The following SH3GL2 variants were observed in gnomAD, a reference collection of about 807,000 sequenced individuals.
SH3GL2 encodes endophilin-A1.
SH3GL2 carries 24 observed loss-of-function variants against 46.0 expected under a neutral mutation model. That is an observed-to-expected ratio of 0.52 (90% CI 0.38 to 0.73). The LOEUF is 0.73. SH3GL2 is among the 30% of genes least tolerant of loss of function. The pLI is 0.00. For missense variants in SH3GL2, 413 were observed against 424.2 expected (o/e 0.97, Z 0.23); for synonymous variants, 196 against 147.1 (o/e 1.33, Z -2.40).
intron 1 of SH3GL2, among the ~76,000 whole-genome samples, chr9:17,688,454 C>CA (rs1376361310): frequency 1.3e-5 from 2 of 151,920 alleles, no homozygotes; most frequent in African/African-American, 4.8e-5. Flanking sequence ...CAGGAGAAGA[C>CA]AAACGAAAAT....
At chr9:17,738,897 C>G (rs1259965102) in intron 1 of SH3GL2, among the ~76,000 whole-genome samples, 1 of 152,048 alleles carries the variant, frequency 6.6e-6, no homozygotes, top group Admixed American at 6.6e-5. Flanking sequence ...TACTTGAAGT[C>G]AACAGATTGT....
intron 1 of SH3GL2, among the ~76,000 whole-genome samples, chr9:17,639,826 T>G (rs550556791): frequency 6.6e-6 from 1 of 152,228 alleles, no homozygotes; most frequent in African/African-American, 2.4e-5. Flanking sequence ...AAAAGACATG[T>G]TGAATCTTAA....
chr9:17,637,170 A>G (rs1819560733), intron 1 of SH3GL2, among the ~76,000 whole-genome samples: 1 of 152,234 alleles, frequency 6.6e-6, no homozygotes, highest in African/African-American at 2.4e-5. Flanking sequence ...GAGCACAAAC[A>G]TTTAATGGTG....
At chr9:17,730,237 T>G (rs549466010) in intron 1 of SH3GL2, among the ~76,000 whole-genome samples, 24 of 152,122 alleles carry the variant, frequency 1.6e-4, no homozygotes, top group African/African-American at 5.5e-4. Context: ...TGAATGGGAG[T>G]TTACTCATGA....
Position 17,787,604 on chromosome 9 carries a change from C to T in SH3GL2, c.465+91C>T, listed in dbSNP as rs1823998229. On this transcript the variant is annotated intron_variant, in intron 5 of 8. Coordinates refer to ENST00000380607, the MANE Select transcript of SH3GL2 (RefSeq NM_003026.5). ...TTTAGAAAACATTTTTTTAGCTTACCCTGTGTGTTGTCAGCTCTGGGCACG... is the reference window on the plus strand; with the variant it reads ...TTTAGAAAACATTTTTTTAGCTTACTCTGTGTGTTGTCAGCTCTGGGCACG... The T allele has an allele frequency of 5.7e-6, 6 of 1,055,218 alleles. No homozygotes were observed. In the East Asian group the frequency reaches 1.2e-4, roughly 21 times the overall value. 65.4% of individuals were successfully genotyped at this position (1,055,218 alleles called of 1,614,324 possible). A position where few individuals can be genotyped will look rare whatever the true frequency, so the allele number is the denominator to read the frequency against.
chr9:17,602,511 T>G (rs1256307803), intron 1 of SH3GL2, among the ~76,000 whole-genome samples: 1 of 152,192 alleles, frequency 6.6e-6, no homozygotes, highest in Non-Finnish European at 1.5e-5. Context: ...TCCAGGAGAT[T>G]GGCAGGTCTA....
At chr9:17,659,831 G>C (rs1410699277) in intron 1 of SH3GL2, among the ~76,000 whole-genome samples, 1 of 152,164 alleles carries the variant, frequency 6.6e-6, no homozygotes, top group Non-Finnish European at 1.5e-5. Flanking sequence ...CTGCTTGAGA[G>C]CGCTTCATCA....
At chr9:17,695,920 C>T (rs1425156992) in intron 1 of SH3GL2, among the ~76,000 whole-genome samples, 1 of 152,118 alleles carries the variant, frequency 6.6e-6, no homozygotes, top group Non-Finnish European at 1.5e-5. Flanking sequence ...CCTTTTTATA[C>T]TGATGTTGCA....
intron 1 of SH3GL2, among the ~76,000 whole-genome samples, chr9:17,738,641 T>TATATATATATAGAGAGAGAG (rs376280314): frequency 2.3e-4 from 20 of 88,874 alleles, no homozygotes; most frequent in African/African-American, 5.6e-4. Flanking sequence ...TATATATATA[T>TATATATATATAGAGAGAGAG]AGAGAGAGAG....
chr9:17,791,438 A>G lies in SH3GL2; in HGVS notation c.728+104A>G, dbSNP rs980977163. 5.8e-5 allele frequency: 48 copies of G among 834,766 alleles called. 1 individual carries two copies. In the South Asian group the frequency reaches 6.8e-4, roughly 12 times the overall value. The allele number at this position is 834,766 out of a possible 1,614,324, so 51.7% of individuals were successfully genotyped here. On this transcript the variant is annotated intron_variant, in intron 7 of 8. Transcript: ENST00000380607. Reference sequence around the variant, plus strand: ...TACATTTGGAGACAAACGTCTGCCAAAATTCCGCTTATCCTACAGAGGCGC... The same window carrying G: ...TACATTTGGAGACAAACGTCTGCCAGAATTCCGCTTATCCTACAGAGGCGC...
At chr9:17,695,759 C>A (rs116277249) in intron 1 of SH3GL2, among the ~76,000 whole-genome samples, 2 of 151,216 alleles carry the variant, frequency 1.3e-5, no homozygotes, top group African/African-American at 4.9e-5. Flanking sequence ...GGAATAAGCA[C>A]AGAAAAATCT....
intron 1 of SH3GL2, among the ~76,000 whole-genome samples, chr9:17,631,776 A>G (rs908510508): frequency 2.0e-5 from 3 of 152,288 alleles, no homozygotes; most frequent in African/African-American, 7.2e-5. Context: ...GAGCCTTTTA[A>G]TCTCCCAATC....
At chr9:17,758,332 G>A (rs902509954) in intron 2 of SH3GL2, among the ~76,000 whole-genome samples, 5 of 151,920 alleles carry the variant, frequency 3.3e-5, no homozygotes, top group African/African-American at 9.7e-5. Flanking sequence ...AGGCCAAGGC[G>A]GATGGATCAC....
At chr9:17,771,846 T>G (rs977707199) in intron 3 of SH3GL2, among the ~76,000 whole-genome samples, 2 of 152,118 alleles carry the variant, frequency 1.3e-5, no homozygotes, top group African/African-American at 4.8e-5. Flanking sequence ...ATACCATTAT[T>G]TGGGTTGAGA....
At chr9:17,789,343 C>G (rs2131189822) in intron 5 of SH3GL2, 49 bp from the exon 6 acceptor site, 2 of 1,534,080 alleles carry the variant, frequency 1.3e-6, no homozygotes, top group Non-Finnish European at 1.8e-6. Context: ...TCAAATAAGC[C>G]TTTTCCATAA....
At chr9:17,689,348 A>C (rs939039252) in intron 1 of SH3GL2, among the ~76,000 whole-genome samples, 2 of 152,032 alleles carry the variant, frequency 1.3e-5, no homozygotes, top group African/African-American at 4.8e-5. Context: ...CCTGTAACAG[A>C]AAAAAATGGC....
chr9:17,724,033 T>C (rs1322955228), intron 1 of SH3GL2, among the ~76,000 whole-genome samples: 1 of 152,146 alleles, frequency 6.6e-6, no homozygotes, highest in African/African-American at 2.4e-5. Context: ...TTTTCATCAG[T>C]TTGGAAAATT....
chr9:17,788,326 A>G (rs1157127121), intron 5 of SH3GL2, among the ~76,000 whole-genome samples: 1 of 152,180 alleles, frequency 6.6e-6, no homozygotes, highest in African/African-American at 2.4e-5. Flanking sequence ...AATGTTTAAA[A>G]AAGAAAGTTC....
intron 1 of SH3GL2, among the ~76,000 whole-genome samples, chr9:17,617,713 T>C (rs1819037248): frequency 6.6e-6 from 1 of 152,226 alleles, no homozygotes; most frequent in Non-Finnish European, 1.5e-5. Flanking sequence ...ACTAGCTAAC[T>C]GAGTTTTCAG....
Sources: allele counts gnomAD v4.1 joint callset (sites outside exome capture counted in the v4.1 genomes callset), GRCh38; gene constraint gnomAD v4.1.1; transcripts MANE v1.5; gene names NCBI Gene and HGNC (gene_info 2026-07-23, HGNC 2026-07-21).